The following SORCS3 variants were observed in gnomAD, a reference collection of about 807,000 sequenced individuals.
The protein encoded by SORCS3 is VPS10 domain-containing receptor SorCS3.
Under a neutral mutation model 146.3 loss-of-function variants are expected in SORCS3, and 57 were observed. The ratio of observed to expected loss-of-function variants is 0.39; its 90% CI spans 0.31 to 0.49. The LOEUF (loss-of-function observed/expected upper bound fraction) is 0.49. SORCS3 is among the 20% of genes least tolerant of loss of function. SORCS3 has a pLI of 0.92. For missense variants in SORCS3, 1,341 were observed against 1,575.5 expected (o/e 0.85, Z 2.52); for synonymous variants, 653 against 618.5 (o/e 1.06, Z -0.83).
intron 4 of SORCS3, among the ~76,000 whole-genome samples, chr10:105,033,443 C>T (rs1444235208): frequency 6.6e-6 from 1 of 152,114 alleles, no homozygotes; most frequent in African/African-American, 2.4e-5. Flanking sequence ...AAGAACTGTC[C>T]AGGTTATCTC....
At chr10:105,167,230 A>G in intron 12 of SORCS3, 28 bp from the exon 13 acceptor site, 2 of 1,485,332 alleles carry the variant, frequency 1.3e-6, no homozygotes, top group Non-Finnish European at 9.4e-7. Context: ...TGTTGCTATG[A>G]TTGTTGTTGT....
chr10:104,661,670 A>ACT (rs2015702595), intron 1 of SORCS3, among the ~76,000 whole-genome samples: 1 of 144,200 alleles, frequency 6.9e-6, no homozygotes, highest in Non-Finnish European at 1.5e-5. Context: ...ATGATTTGGG[A>ACT]ATATAGATAG....
chr10:105,118,192 C>A (rs1362363452), intron 7 of SORCS3, among the ~76,000 whole-genome samples: 1 of 152,044 alleles, frequency 6.6e-6, no homozygotes, highest in African/African-American at 2.4e-5. Context: ...GGGCGGTTAT[C>A]CCCATGCTGT....
chr10:105,217,845 A>T (rs966601037), intron 19 of SORCS3: 1 of 454,058 alleles, frequency 2.2e-6, no homozygotes, highest in Non-Finnish European at 4.4e-6. Flanking sequence ...TGATTTTAGG[A>T]TGTCGGGTCG....
chr10:104,872,682 T>C (rs1158417415), intron 2 of SORCS3, among the ~76,000 whole-genome samples: 1 of 151,976 alleles, frequency 6.6e-6, no homozygotes, highest in Admixed American at 6.6e-5. Context: ...AGAAAGTTCT[T>C]GCAATGATAT....
At chr10:104,651,764 T>TC (rs2015563218) in intron 1 of SORCS3, among the ~76,000 whole-genome samples, 1 of 152,104 alleles carries the variant, frequency 6.6e-6, no homozygotes, top group South Asian at 2.1e-4. Flanking sequence ...CTACCCGTAT[T>TC]CCCGGGGTGT....
intron 1 of SORCS3, among the ~76,000 whole-genome samples, chr10:104,771,422 A>G (rs977325100): frequency 6.6e-6 from 1 of 151,978 alleles, no homozygotes; most frequent in African/African-American, 2.4e-5. Context: ...TTGGCCCCTG[A>G]CCCTCTAAAA....
At chr10:105,042,369 G>A (rs1429193975) in intron 4 of SORCS3, among the ~76,000 whole-genome samples, 2 of 152,192 alleles carry the variant, frequency 1.3e-5, no homozygotes, top group Non-Finnish European at 2.9e-5. Flanking sequence ...GAACAACATG[G>A]TAGAATTATT....
intron 1 of SORCS3, among the ~76,000 whole-genome samples, chr10:104,788,209 A>G (rs2017459583): frequency 6.6e-6 from 1 of 152,214 alleles, no homozygotes; most frequent in African/African-American, 2.4e-5. Context: ...AGTTGAAAGA[A>G]AACTAAAACG....
intron 5 of SORCS3, among the ~76,000 whole-genome samples, chr10:105,087,553 T>C (rs2055671765): frequency 6.6e-6 from 1 of 151,974 alleles, no homozygotes; most frequent in African/African-American, 2.4e-5. Context: ...ATATAGTCCC[T>C]TGTGGTACCC....
chr10:104,718,184 A>G (rs1367816080), intron 1 of SORCS3, among the ~76,000 whole-genome samples: 5 of 152,082 alleles, frequency 3.3e-5, no homozygotes, highest in Admixed American at 6.5e-5. Flanking sequence ...ATAAATAAAT[A>G]AGAGAAAGAA....
rs187139299 is a variant in SORCS3, at chr10:105,048,684, A to G, written c.1028+5556A>G. Among the ~76,000 whole-genome samples the G allele has an allele frequency of 1.4e-3, 212 of 152,212 alleles. 1 individual carries two copies. The highest frequency in any genetic ancestry group is 2.4e-3 in the Non-Finnish European group (166 of 67,998). ...CATGTACCCTAAAACTTAAAGTATA[A>G]TTAAAAAAAAGAGAAAGTGGTGATA... On this transcript the variant is annotated intron_variant, in intron 5 of 26. Transcript: ENST00000369701.
chr10:104,877,945 T>C (rs1176963908), intron 2 of SORCS3, among the ~76,000 whole-genome samples: 2 of 152,340 alleles, frequency 1.3e-5, no homozygotes, highest in East Asian at 3.9e-4. Context: ...TGTTTACTTA[T>C]TTATACATAT....
intron 4 of SORCS3, among the ~76,000 whole-genome samples, chr10:105,017,887 G>A (rs1424228476): frequency 6.6e-6 from 1 of 152,198 alleles, no homozygotes; most frequent in Admixed American, 6.5e-5. Context: ...CAATGGACCA[G>A]CCTCTAAGAC....
At chr10:104,875,635 T>C (rs1328720608) in intron 2 of SORCS3, among the ~76,000 whole-genome samples, 1 of 152,188 alleles carries the variant, frequency 6.6e-6, no homozygotes, top group African/African-American at 2.4e-5. Flanking sequence ...TTGAAGACTT[T>C]TGAGTCTATA....
chr10:105,197,929 A>G (rs1435679911), intron 14 of SORCS3, among the ~76,000 whole-genome samples: 1 of 152,186 alleles, frequency 6.6e-6, no homozygotes, highest in Non-Finnish European at 1.5e-5. Flanking sequence ...AATAAAAATG[A>G]TGAACAAGAA....
At chr10:105,094,448 G>T (rs1418843945) in intron 6 of SORCS3, among the ~76,000 whole-genome samples, 2 of 152,144 alleles carry the variant, frequency 1.3e-5, no homozygotes, top group African/African-American at 4.8e-5. Context: ...AGCAATTCCT[G>T]CTTTTCTCAT....
At chr10:104,909,746 A>G (rs553035668) in intron 2 of SORCS3, among the ~76,000 whole-genome samples, 6 of 151,266 alleles carry the variant, frequency 4.0e-5, no homozygotes, top group African/African-American at 1.5e-4. Context: ...GTTCAGCTCT[A>G]CTGAGAGGCT....
intron 3 of SORCS3, among the ~76,000 whole-genome samples, chr10:104,943,581 T>C (rs1002383071): frequency 2.6e-5 from 4 of 152,138 alleles, no homozygotes; most frequent in Non-Finnish European, 5.9e-5. Flanking sequence ...GTGGCCTAAG[T>C]AAAGAGAAAA....
Sources: gnomAD v4.1 joint callset for allele counts (sites outside exome capture counted in the v4.1 genomes callset) on GRCh38, gnomAD v4.1.1 for gene constraint, MANE v1.5 for transcripts, NCBI Gene and HGNC (gene_info 2026-07-23, HGNC 2026-07-21) for gene names.